The following CLEC4D variants were observed in gnomAD, a reference collection of about 807,000 sequenced individuals.
CLEC4D encodes C-type lectin domain family 4 member D.
In CLEC4D, 21 loss-of-function variants were observed where a neutral mutation model predicts 21.1. The observed-to-expected ratio is 1.00, with a 90% CI of 0.71 to 1.43. CLEC4D has a LOEUF of 1.43. Ranked by LOEUF, CLEC4D falls within the 40% of genes most tolerant of loss-of-function variation. The probability of loss-of-function intolerance (pLI) is 0.00; values close to 1 mark genes in which losing one functional copy is unlikely to be tolerated. For synonymous variants in CLEC4D, 85 were observed against 83.1 expected (o/e 1.02, Z -0.12); for missense variants, 289 against 260.7 (o/e 1.11, Z -0.75).
downstream of CLEC4D, among the ~76,000 whole-genome samples, chr12:8,526,019 A>G (rs921169190): frequency 1.3e-5 from 2 of 152,026 alleles, no homozygotes; most frequent in South Asian, 2.1e-4. Context: ...TTGGCCCCCA[A>G]TCTCTTCTGG....
rs1940405456 is a variant in CLEC4D, at chr12:8,518,084, A to G, written c.122-80A>G. The G allele has an allele frequency of 4.8e-6, 3 of 622,414 alleles. No homozygotes were observed. In the East Asian group the frequency reaches 8.3e-5, roughly 17 times the overall value. The allele number at this position is 622,414 out of a possible 1,614,324, so 38.6% of individuals were successfully genotyped here. ...GGCCTTAATTATTAGGATAAGAGAA[A>G]ATTTAGGAAGGTCAGCCCCTATTTC... On this transcript the variant is annotated intron_variant, in intron 2 of 5. Coordinates refer to ENST00000299665, the MANE Select transcript of CLEC4D (RefSeq NM_080387.5).
chr12:8,518,935 G>A, intron 3 of CLEC4D, 74 bp from the exon 4 acceptor site: 1 of 1,537,640 alleles, frequency 6.5e-7, no homozygotes, highest in South Asian at 1.3e-5. Context: ...GATATAGGTA[G>A]TAGAATAGTT....
At chr12:8,531,553 G>A in the CLEC4D span, among the ~76,000 whole-genome samples, 6 of 152,026 alleles carry the variant, frequency 3.9e-5, no homozygotes, top group Non-Finnish European at 7.4e-5. Flanking sequence ...TTTTTTAAAC[G>A]TTTGAGGTAA....
chr12:8,530,874 A>G, the CLEC4D span, among the ~76,000 whole-genome samples: 4 of 152,240 alleles, frequency 2.6e-5, no homozygotes, highest in African/African-American at 9.6e-5. Context: ...TTACAATGGC[A>G]ATACAATTCT....
At chr12:8,514,136 C>T (rs1040677368) in intron 1 of CLEC4D, among the ~76,000 whole-genome samples, 32 of 152,064 alleles carry the variant, frequency 2.1e-4, no homozygotes, top group Middle Eastern at 6.8e-3. Context: ...TTAAGTGACA[C>T]CAGTGGATTT....
At chr12:8,517,145 G>A (rs1403836809) in intron 2 of CLEC4D, among the ~76,000 whole-genome samples, 2 of 152,148 alleles carry the variant, frequency 1.3e-5, no homozygotes, top group Non-Finnish European at 2.9e-5. Context: ...ATAAAGGCGA[G>A]GGAGTGAGCT....
intron 3 of CLEC4D, among the ~76,000 whole-genome samples, 194 bp downstream of exon 3, chr12:8,518,468 T>C (rs1442664891): frequency 3.3e-5 from 5 of 152,220 alleles, no homozygotes; most frequent in South Asian, 2.1e-4. Context: ...CCGGAGAATA[T>C]AGCTTTACAG....
At chr12:8,524,515 G>A (rs929514888), downstream of CLEC4D, among the ~76,000 whole-genome samples, 5 of 151,806 alleles carry the variant, frequency 3.3e-5, no homozygotes, top group Non-Finnish European at 5.9e-5. Flanking sequence ...TCTCTGATGG[G>A]GGTTTGTATT....
the CLEC4D span, among the ~76,000 whole-genome samples, chr12:8,531,191 G>T: frequency 1.0e-3 from 159 of 152,278 alleles, no homozygotes; most frequent in Admixed American, 1.8e-3. Flanking sequence ...ACTGTCTCCT[G>T]CTTCCCCCAC....
intron 5 of CLEC4D, 105 bp from the exon 6 acceptor site, chr12:8,521,019 C>T: frequency 6.4e-6 from 9 of 1,401,128 alleles, no homozygotes; most frequent in Non-Finnish European, 8.5e-6. Context: ...TCACTAGGGA[C>T]ATTTCTCTGA....
intron 2 of CLEC4D, among the ~76,000 whole-genome samples, chr12:8,517,940 C>T (rs1940403438): frequency 6.6e-6 from 1 of 151,462 alleles, no homozygotes; most frequent in Non-Finnish European, 1.5e-5. Context: ...AGCGAGACTC[C>T]GTCTCAGAAA....
At chr12:8,526,432 A>G (rs1433985685), downstream of CLEC4D, among the ~76,000 whole-genome samples, 1 of 152,064 alleles carries the variant, frequency 6.6e-6, no homozygotes, top group African/African-American at 2.4e-5. Context: ...TTATTTCAGT[A>G]AAGTGGCCTT....
At position 8,519,033 on chromosome 12, in the gene CLEC4D, TTGA is replaced by T; in HGVS notation, c.258_260del (p.Asp87del). Reference sequence around the variant, plus strand: ...GGGAGCACCTGGAACTGTTGTCCTATTGACTGGAGAGCCTTCCAGTCCAACTGC... The same window carrying T: ...GGGAGCACCTGGAACTGTTGTCCTATCTGGAGAGCCTTCCAGTCCAACTGC... On this transcript the variant is annotated inframe_deletion, in exon 4 of 6. Transcript: ENST00000299665. 1.2e-6 allele frequency: 2 copies of T among 1,614,138 alleles called. No homozygotes were observed. The highest frequency in any genetic ancestry group is 1.7e-6 in the Non-Finnish European group (2 of 1,180,010).
intron 1 of CLEC4D, among the ~76,000 whole-genome samples, chr12:8,514,314 A>C (rs1940346958): frequency 6.6e-6 from 1 of 152,026 alleles, no homozygotes; most frequent in African/African-American, 2.4e-5. Flanking sequence ...TTTCTTAGAG[A>C]TTTTTTGCAT....
Position 8,521,439 on chromosome 12 carries a change from T to A in CLEC4D, c.*168T>A. The A allele has an allele frequency of 7.3e-7, 1 of 1,360,730 alleles. No individual in the cohort carries two copies. The highest frequency in any genetic ancestry group is 9.6e-7 in the Non-Finnish European group (1 of 1,044,126). 84.3% of individuals were successfully genotyped at this position (1,360,730 alleles called of 1,614,324 possible). On this transcript the variant is annotated 3_prime_UTR_variant, in exon 6 of 6. Transcript: ENST00000299665. ...TGATTCATTCGAGACAACATGTGTG[T>A]ATGTGTGTGTGTGTGTGTGTAGATA...
chr12:8,515,048 A>G (rs1007921267), intron 1 of CLEC4D, among the ~76,000 whole-genome samples, 188 bp from the exon 2 acceptor site: 1 of 151,956 alleles, frequency 6.6e-6, no homozygotes, highest in Non-Finnish European at 1.5e-5. Flanking sequence ...GAAATTTTAC[A>G]TTTTTCTTTC....
rs774273351 is a variant in CLEC4D, at chr12:8,518,217, G to A, written c.175G>A (p.Glu59Lys). Reference protein sequence around the residue: ...CKRGTGVHKLEHHAKLKCIKE... With the variant: ...CKRGTGVHKLKHHAKLKCIKE... ...GAGAGGCACAGGAGTGCACAAGTTA[G>A]AGCACCATGCAAAGCTCAAATGCAT... The change falls in exon 3 of 6, where the codon GAG (glutamate) becomes AAG (lysine). Residue 59 changes from glutamate to lysine, a missense_variant. Coordinates refer to ENST00000299665, the MANE Select transcript of CLEC4D (RefSeq NM_080387.5). 26 of 1,451,830 alleles carry A rather than the reference G, an allele frequency of 1.8e-5. No individual in the cohort carries two copies. Among genetic ancestry groups the A allele is most frequent in the Non-Finnish European group, 2.3e-5 (24 of 1,032,300 alleles). The allele number at this position is 1,451,830 out of a possible 1,614,324, so 89.9% of individuals were successfully genotyped here. A position where few individuals can be genotyped will look rare whatever the true frequency, so the allele number is the denominator to read the frequency against.
intron 4 of CLEC4D, among the ~76,000 whole-genome samples, 179 bp from the exon 5 acceptor site, chr12:8,520,047 G>C (rs1940438093): frequency 6.6e-6 from 1 of 152,200 alleles, no homozygotes; most frequent in South Asian, 2.1e-4. Flanking sequence ...CAAGAGCACT[G>C]GGGGTTTGGT....
chr12:8,527,027 TCA>T (rs1333912936), downstream of CLEC4D, among the ~76,000 whole-genome samples: 1 of 152,148 alleles, frequency 6.6e-6, no homozygotes, highest in Non-Finnish European at 1.5e-5. Context: ...CTTGCAGATG[TCA>T]CTCAAGGAGG....
Sources: allele counts gnomAD v4.1 joint callset (sites outside exome capture counted in the v4.1 genomes callset), GRCh38; gene constraint gnomAD v4.1.1; transcripts MANE v1.5; gene names NCBI Gene and HGNC (gene_info 2026-07-23, HGNC 2026-07-21).